Variants in DYNC1H1 observed in about 807,000 individuals in gnomAD.
The protein encoded by DYNC1H1 is dynein cytoplasmic 1 heavy chain 1, also known as cytoplasmic dynein 1 heavy chain 1.
DYNC1H1 carries 51 observed loss-of-function variants against 527.1 expected under a neutral mutation model. The ratio of observed to expected loss-of-function variants is 0.10; its 90% confidence interval spans 0.08 to 0.12. The LOEUF (loss-of-function observed/expected upper bound fraction) is 0.12. DYNC1H1 is among the 10% of genes least tolerant of loss of function. DYNC1H1 has a pLI of 1.00. For missense variants in DYNC1H1, 2,771 were observed against 5,971.8 expected, an observed-to-expected ratio of 0.46 and a Z score of 17.66; for synonymous variants, 2,189 against 2,278.8, an observed-to-expected ratio of 0.96 and a Z score of 1.12.
At chr14:101,984,438 TATATA>T (rs1338125598) in intron 7 of DYNC1H1, among the ~76,000 whole-genome samples, 18 of 136,660 alleles carry the variant, frequency 1.3e-4, no homozygotes, top group East Asian at 1.1e-3. Context: ...TGTGTATATA[TATATA>T]TATTATATTT....
rs1296368460 is a variant in DYNC1H1, at chr14:102,016,590, T to C, written c.7614+101T>C. On this transcript the variant is annotated intron_variant, in intron 37 of 77. Coordinates refer to ENST00000360184, the MANE Select transcript of DYNC1H1 (RefSeq NM_001376.5). This position sits in a 1 kb window ranked among gnomAD's most constrained non-coding sequence, Gnocchi z 7.3. Reference sequence around the variant, plus strand: ...GGACCTTGGCTTCGTCTTTTCATTTTATTCCATTTCATAGAAGGACTTTAT... The same window carrying C: ...GGACCTTGGCTTCGTCTTTTCATTTCATTCCATTTCATAGAAGGACTTTAT... 6.9e-6 allele frequency: 11 copies of C among 1,604,954 alleles called. No homozygotes were observed. The highest frequency in any genetic ancestry group is 7.7e-6 in the Non-Finnish European group (9 of 1,173,036).
At position 102,036,217 on chromosome 14, in the gene DYNC1H1, T is replaced by C. The variant is rs2048573395; in HGVS notation, c.10755-272T>C. 4.7e-6 allele frequency: 2 copies of C among 421,976 alleles called. No homozygotes were observed. Among genetic ancestry groups the C allele is most frequent in the Non-Finnish European group, 8.9e-6 (2 of 224,116 alleles). The allele number at this position is 421,976 out of a possible 1,614,324, so 26.1% of individuals were successfully genotyped here. A position where few individuals can be genotyped will look rare whatever the true frequency, so the allele number is the denominator to read the frequency against. On this transcript the variant is annotated intron_variant, in intron 56 of 77. Coordinates refer to ENST00000360184, the MANE Select transcript of DYNC1H1 (RefSeq NM_001376.5). The surrounding 1 kb of genome is among the most constrained non-coding windows in gnomAD (Gnocchi z 5.6). ...ACAGTGCAGGATGCTGAGAGGATGA[T>C]TGTCCCAGAAGGAAAAAGATTTTTA...
Position 101,997,389 on chromosome 14 carries a change from C to G in DYNC1H1, c.3804+115C>G. The G allele has an allele frequency of 1.3e-6, 2 of 1,537,700 alleles. No homozygotes were observed. The highest frequency in any genetic ancestry group is 1.8e-6 in the Non-Finnish European group (2 of 1,137,294). On this transcript the variant is annotated intron_variant, in intron 16 of 77. Coordinates refer to ENST00000360184, the MANE Select transcript of DYNC1H1 (RefSeq NM_001376.5). This position sits in a 1 kb window ranked among gnomAD's most constrained non-coding sequence, Gnocchi z 4.8. ...ACTGAGCTTTCTAGTATTGAAGACT[C>G]TTTTCCTTTTTGTAGTTAAAAAAGC...
intron 18 of DYNC1H1, 25 bp from the exon 19 acceptor site, chr14:102,000,929 T>C (rs1476723975): frequency 1.3e-6 from 2 of 1,589,942 alleles, no homozygotes; most frequent in East Asian, 2.2e-5. Flanking sequence ...GCAAGCTAAA[T>C]AGCATCTTAT....
intron 28 of DYNC1H1, among the ~76,000 whole-genome samples, chr14:102,007,366 T>C (rs1451857134): frequency 6.6e-6 from 1 of 152,212 alleles, no homozygotes; most frequent in Admixed American, 6.5e-5. Context: ...TGTCAGTTTT[T>C]TGACGACATT....
At chr14:101,992,972 C>T (rs1044666053) in intron 11 of DYNC1H1, among the ~76,000 whole-genome samples, 1 of 152,036 alleles carries the variant, frequency 6.6e-6, no homozygotes, top group Non-Finnish European at 1.5e-5. Context: ...ACTTTAAATG[C>T]CACCTGCAGG....
intron 11 of DYNC1H1, among the ~76,000 whole-genome samples, chr14:101,993,823 C>T (rs2141280147): frequency 6.6e-6 from 1 of 152,348 alleles, no homozygotes; most frequent in South Asian, 2.1e-4. Context: ...TCGCGTCTCT[C>T]CTCCCATAGA....
In DYNC1H1 at chr14:101,994,726, C is replaced by T. The variant is rs1595605306; in HGVS notation, c.3210C>T (p.Asn1070=). The part of the protein sequence containing the change: ...LWDMQAENIY[N]RLGEDLNKWQ... The stretch of plus-strand genomic sequence containing the variant: ...ATATGCAAGCTGAAAACATCTATAA[C>T]AGACTTGGAGAAGATCTCAACAAAT... The change falls in exon 13 of 78, where the codon AAC becomes AAT. Residue 1070 remains asparagine, a synonymous_variant. Transcript: ENST00000360184. The T allele has an allele frequency of 1.2e-6, 2 of 1,614,196 alleles. No individual in the cohort carries two copies.
At chr14:102,032,911 C>T in intron 52 of DYNC1H1, 154 bp from the exon 53 acceptor site, 1 of 757,220 alleles carries the variant, frequency 1.3e-6, no homozygotes, top group Admixed American at 2.5e-5. Flanking sequence ...CAGCTTTCAC[C>T]TGAGAACCAA....
intron 41 of DYNC1H1, among the ~76,000 whole-genome samples, chr14:102,019,121 A>G (rs2048357050): frequency 6.6e-6 from 1 of 152,214 alleles, no homozygotes; most frequent in South Asian, 2.1e-4. Context: ...GTATGTGTAT[A>G]TGATGAAAAT....
At chr14:102,037,472 AAGGAACATGTTCCTTTGC>A (rs2048591582) in intron 57 of DYNC1H1, 1 of 152,172 alleles carries the variant, frequency 6.6e-6, no homozygotes, top group African/African-American at 2.4e-5. Context: ...AAACAAGAAC[AAGGAACATGTTCCTTTGC>A]AGGAACATGG....
chr14:101,982,675 C>T (rs2047882182), intron 5 of DYNC1H1, among the ~76,000 whole-genome samples: 1 of 148,924 alleles, frequency 6.7e-6, no homozygotes, highest in African/African-American at 2.5e-5. Flanking sequence ...CCCCACCACC[C>T]CCCAACCATC....
Position 102,002,422 on chromosome 14 carries a change from A to T in DYNC1H1, c.4543-115A>T. On this transcript the variant is annotated intron_variant, in intron 21 of 77. Transcript: ENST00000360184. This position sits in a 1 kb window ranked among gnomAD's most constrained non-coding sequence, Gnocchi z 4.4. ...CACCACACCCGTCTACTTGTTGTTT[A>T]AAATGTGAATCAGATTACTTCATGA... The T allele has an allele frequency of 7.0e-7, 1 of 1,429,688 alleles. No individual in the cohort carries two copies. Among genetic ancestry groups the T allele is most frequent in the Non-Finnish European group, 9.8e-7 (1 of 1,019,510 alleles). 88.6% of individuals were successfully genotyped at this position (1,429,688 alleles called of 1,614,324 possible). A position where few individuals can be genotyped will look rare whatever the true frequency, so the allele number is the denominator to read the frequency against.
Position 102,005,009 on chromosome 14 carries a change from G to T in DYNC1H1, c.5239-33G>T. On this transcript the variant is annotated intron_variant, in intron 25 of 77. Transcript: ENST00000360184. The surrounding 1 kb of genome is among the most constrained non-coding windows in gnomAD (Gnocchi z 4.0). ...GAAAACGCAGACCAATCTTTAAAAT[G>T]ATCCTTTGGGATCTTGTTTCTGTGT... 1.9e-6 allele frequency: 3 copies of T among 1,614,188 alleles called. No individual in the cohort carries two copies. Among genetic ancestry groups the T allele is most frequent in the South Asian group, 1.1e-5 (1 of 91,044 alleles).
chr14:102,022,585 T>C (rs1382691154), intron 42 of DYNC1H1, among the ~76,000 whole-genome samples, 166 bp from the exon 43 acceptor site: 1 of 152,122 alleles, frequency 6.6e-6, no homozygotes, highest in Non-Finnish European at 1.5e-5. Flanking sequence ...GCCTAAGCTG[T>C]CATGAGTTCA....
chr14:101,967,384 A>G (rs2047680706), intron 1 of DYNC1H1, among the ~76,000 whole-genome samples: 1 of 152,270 alleles, frequency 6.6e-6, no homozygotes, highest in Non-Finnish European at 1.5e-5. Flanking sequence ...TTTAATGAAC[A>G]GTAGAAATTA....
chr14:102,016,312 T>C lies in DYNC1H1; in HGVS notation c.7474-37T>C. 2 of 1,613,240 alleles carry C rather than the reference T, an allele frequency of 1.2e-6. No individual in the cohort carries two copies. Among genetic ancestry groups the C allele is most frequent in the Non-Finnish European group, 1.7e-6 (2 of 1,179,502 alleles). ...AAGTGTCTTTCTTTTGTTGTTGAAA[T>C]TTTATAAAAATCAAAGTTTAATTCC... On this transcript the variant is annotated intron_variant, in intron 36 of 77. Transcript: ENST00000360184. This position sits in a 1 kb window ranked among gnomAD's most constrained non-coding sequence, Gnocchi z 7.3.
chr14:101,970,440 A>C (rs2047720065), intron 1 of DYNC1H1, among the ~76,000 whole-genome samples: 1 of 149,588 alleles, frequency 6.7e-6, no homozygotes, highest in Admixed American at 6.6e-5. Flanking sequence ...CAGAATAATA[A>C]TAATGTGGTA....
rs941792 is a variant in DYNC1H1, at chr14:102,048,376, G to A, written c.13219-140G>A. On this transcript the variant is annotated intron_variant, in intron 73 of 77. Transcript: ENST00000360184. ...TCACACAAGCTCGGTTCCAAGTCAC[G>A]CTCTGCCAAAGCTGTCCGTGACCCT... The A allele has an allele frequency of 0.25, 297,297 of 1,187,974 alleles. 45,941 individuals carry two copies. Among genetic ancestry groups the A allele is most frequent in the African/African-American group, 0.72 (47,340 of 65,958 alleles). 73.6% of individuals were successfully genotyped at this position (1,187,974 alleles called of 1,614,324 possible).
Sources: gnomAD v4.1 joint callset for allele counts (sites outside exome capture counted in the v4.1 genomes callset) on GRCh38, gnomAD v4.1.1 for gene constraint, Gnocchi (gnomAD v3.1) non-coding constraint, MANE v1.5 for transcripts, NCBI Gene and HGNC (gene_info 2026-07-23, HGNC 2026-07-21) for gene names.